The following CCDC191 variants were observed in gnomAD, a reference collection of about 807,000 sequenced individuals.
The protein encoded by CCDC191 is coiled-coil domain-containing protein 191.
CCDC191 carries 99 observed loss-of-function variants against 114.0 expected under a neutral mutation model. The ratio of observed to expected loss-of-function variants is 0.87; its 90% CI spans 0.74 to 1.03. CCDC191 has a LOEUF of 1.03. Among genes scored for constraint, CCDC191 ranks in the 50% least tolerant of loss-of-function variants. The probability of loss-of-function intolerance (pLI) is 0.00; values close to 1 mark genes in which losing one functional copy is unlikely to be tolerated. For missense variants in CCDC191, 973 were observed against 1,087.0 expected, an observed-to-expected ratio of 0.90 and a Z score of 1.47; for synonymous variants, 351 against 376.0, an observed-to-expected ratio of 0.93 and a Z score of 0.77.
intron 4 of CCDC191, chr3:114,039,487 T>A (rs899651675): frequency 6.6e-6 from 1 of 151,836 alleles, no homozygotes; most frequent in African/African-American, 2.4e-5. Context: ...CAGAGGGAGA[T>A]CCTGTCTTAA....
At chr3:114,056,190 A>C (rs529489516) in intron 1 of CCDC191, among the ~76,000 whole-genome samples, 187 bp downstream of exon 1, 1 of 152,264 alleles carries the variant, frequency 6.6e-6, no homozygotes, top group Non-Finnish European at 1.5e-5. Flanking sequence ...CCAAAGCCGT[A>C]ATGTGCCCAG....
intron 8 of CCDC191, among the ~76,000 whole-genome samples, chr3:114,011,231 C>CA (rs1243295888): frequency 6.6e-6 from 1 of 152,176 alleles, no homozygotes; most frequent in African/African-American, 2.4e-5. Context: ...CAACAGATTA[C>CA]CTTCAAGAAG....
chr3:114,038,585 C>T (rs1331600772), intron 4 of CCDC191, among the ~76,000 whole-genome samples: 1 of 152,124 alleles, frequency 6.6e-6, no homozygotes, highest in South Asian at 2.1e-4. Flanking sequence ...TGAACATACA[C>T]CTGCATGTAT....
chr3:114,039,364 G>A (rs1051571968), intron 4 of CCDC191: 2 of 152,044 alleles, frequency 1.3e-5, no homozygotes, highest in African/African-American at 4.8e-5. Context: ...AAAAAAATTA[G>A]CTGGGTGTGG....
intron 3 of CCDC191, among the ~76,000 whole-genome samples, chr3:114,045,149 G>A (rs544093535): frequency 6.6e-6 from 1 of 152,188 alleles, no homozygotes; most frequent in East Asian, 1.9e-4. Flanking sequence ...ACCCTTAACA[G>A]GCTAAAGTAT....
At chr3:114,053,669 G>A (rs2076727660) in intron 1 of CCDC191, 34 bp from the exon 2 acceptor site, 2 of 1,477,362 alleles carry the variant, frequency 1.4e-6, no homozygotes, top group South Asian at 1.2e-5. Context: ...TCAATACGCA[G>A]CAATATCTTT....
At chr3:113,982,178 A>G (rs1161741948) in intron 13 of CCDC191, among the ~76,000 whole-genome samples, 2 of 152,212 alleles carry the variant, frequency 1.3e-5, no homozygotes, top group Non-Finnish European at 2.9e-5. Context: ...GGTGTTAATC[A>G]GCTCCAAAAG....
At chr3:114,018,988 T>C (rs1025046087) in intron 7 of CCDC191, 120 bp from the exon 8 acceptor site, 5 of 836,736 alleles carry the variant, frequency 6.0e-6, no homozygotes, top group Middle Eastern at 5.9e-4. Context: ...ACAGGAACTG[T>C]TGTCTTAATG....
intron 7 of CCDC191, among the ~76,000 whole-genome samples, chr3:114,020,808 T>C (rs943535307): frequency 1.3e-5 from 2 of 152,144 alleles, no homozygotes; most frequent in Non-Finnish European, 2.9e-5. Flanking sequence ...TTATTTCAAA[T>C]GATGAAATAG....
At chr3:114,028,802 T>C (rs1045036027) in intron 7 of CCDC191, among the ~76,000 whole-genome samples, 12 of 150,554 alleles carry the variant, frequency 8.0e-5, no homozygotes, top group African/African-American at 2.7e-4. Context: ...TGTAGATTCA[T>C]AGATACAGAA....
At chr3:114,009,129 T>C (rs1057097013) in intron 9 of CCDC191, among the ~76,000 whole-genome samples, 2 of 152,154 alleles carry the variant, frequency 1.3e-5, no homozygotes, top group African/African-American at 4.8e-5. Flanking sequence ...TTACCATGAA[T>C]GGCACTTGCA....
intron 8 of CCDC191, among the ~76,000 whole-genome samples, chr3:114,016,422 G>C (rs956373077): frequency 6.6e-6 from 1 of 152,162 alleles, no homozygotes; most frequent in African/African-American, 2.4e-5. Context: ...TTGTGACCTT[G>C]AGTCATTTAC....
intron 13 of CCDC191, among the ~76,000 whole-genome samples, chr3:114,000,980 C>T (rs1164262584): frequency 6.6e-6 from 1 of 152,092 alleles, no homozygotes; most frequent in Non-Finnish European, 1.5e-5. Context: ...GTCTATGTAG[C>T]ACATGATGTC....
chr3:114,033,581 A>T (rs1321940915), intron 6 of CCDC191, among the ~76,000 whole-genome samples: 1 of 152,246 alleles, frequency 6.6e-6, no homozygotes, highest in Non-Finnish European at 1.5e-5. Context: ...CATGGATAAG[A>T]TCTTAACTTT....
At position 113,978,347 on chromosome 3, in the gene CCDC191, G is replaced by GAAAT. The variant is rs748458001; in HGVS notation, c.2461-20_2461-17dup. 1 of 1,607,260 alleles carries GAAAT rather than the reference G, an allele frequency of 6.2e-7. No homozygotes were observed. Among genetic ancestry groups the GAAAT allele is most frequent in the African/African-American group, 1.3e-5 (1 of 74,558 alleles). ...CAATCACGTACTGGGGATGAAGACAGAAATAAAAGTGAGACAAAAAATATC... is the reference window on the plus strand; with the variant it reads ...CAATCACGTACTGGGGATGAAGACAGAAATAAATAAAAGTGAGACAAAAAATATC... On this transcript the variant is annotated splice_polypyrimidine_tract_variant and intron_variant, in intron 15 of 16. Coordinates refer to ENST00000295878, the MANE Select transcript of CCDC191 (RefSeq NM_020817.2).
rs566529179 is a variant in CCDC191 at position 114,043,754 on chromosome 3, A to C, written c.272-908T>G. On this transcript the variant is annotated intron_variant, in intron 3 of 16. Transcript: ENST00000295878. ...AGGGAACACCAATTGGGAAACAAGTATAATAATCCAAAAGAGAGGTGATGG... is the reference window on the plus strand; with the variant it reads ...AGGGAACACCAATTGGGAAACAAGTCTAATAATCCAAAAGAGAGGTGATGG... Among the ~76,000 whole-genome samples the C allele has an allele frequency of 2.8e-4, 42 of 152,334 alleles. No homozygotes were observed. The South Asian group carries it at 8.3e-3, about 30-fold the overall frequency.
chr3:113,993,180 C>G (rs889580161), intron 13 of CCDC191, among the ~76,000 whole-genome samples: 1 of 152,116 alleles, frequency 6.6e-6, no homozygotes, highest in African/African-American at 2.4e-5. Context: ...CGCCTGTAAT[C>G]CAGCATTTTG....
At chr3:114,053,987 A>G (rs2076732320) in intron 1 of CCDC191, 1 of 169,088 alleles carries the variant, frequency 5.9e-6, no homozygotes. Context: ...TCATTAAAAA[A>G]AAAAAGCACT....
At chr3:114,004,076 C>T in intron 11 of CCDC191, 1 of 948,326 alleles carries the variant, frequency 1.1e-6, no homozygotes, top group African/African-American at 1.8e-5. Flanking sequence ...TGAGACCAGC[C>T]TGGGCAACAC....
Sources: gnomAD v4.1 joint callset for allele counts (sites outside exome capture counted in the v4.1 genomes callset) on GRCh38, gnomAD v4.1.1 for gene constraint, MANE v1.5 for transcripts, NCBI Gene and HGNC (gene_info 2026-07-23, HGNC 2026-07-21) for gene names.